Variants in DAB1 observed in about 807,000 individuals in gnomAD.
The protein encoded by DAB1 is disabled homolog 1.
A neutral mutation model predicts 64.6 loss-of-function variants in DAB1; 15 were observed. That is an observed-to-expected ratio of 0.23 (90% confidence interval 0.16 to 0.36). DAB1 has a LOEUF of 0.36. Among genes scored for constraint, DAB1 ranks in the 10% least tolerant of loss-of-function variants. The probability of loss-of-function intolerance (pLI) is 1.00; values close to 1 mark genes in which losing one functional copy is unlikely to be tolerated. For missense variants in DAB1, 596 were observed against 706.7 expected (o/e 0.84, Z 1.78); for synonymous variants, 235 against 251.9 (o/e 0.93, Z 0.64).
chr1:57,494,623 T>C (rs192885850), intron 7 of DAB1, among the ~76,000 whole-genome samples: 1 of 152,334 alleles, frequency 6.6e-6, no homozygotes, highest in East Asian at 1.9e-4. Flanking sequence ...CTTGTATAAG[T>C]AGGCAAACAT....
intron 4 of DAB1, among the ~76,000 whole-genome samples, chr1:57,095,535 C>G (rs1397621629): frequency 6.6e-6 from 1 of 152,202 alleles, no homozygotes; most frequent in Non-Finnish European, 1.5e-5. Flanking sequence ...AGTCAACTTT[C>G]CAAGTCTCAG....
chr1:57,053,199 G>A (rs908080875), intron 9 of DAB1, among the ~76,000 whole-genome samples: 3 of 152,108 alleles, frequency 2.0e-5, no homozygotes, highest in Non-Finnish European at 2.9e-5. Context: ...ATCTTGGCGG[G>A]GGGTCTGATC....
Position 57,469,604 on chromosome 1 carries a change from A to G in DAB1, n.626-178438T>C, listed in dbSNP as rs550776347. 2.6e-5 allele frequency among the ~76,000 whole-genome samples: 4 copies of G among 152,192 alleles called. No homozygotes were observed. In the East Asian group the frequency reaches 7.7e-4, roughly 29 times the overall value. ...CCCATTGCTCACCCTGGGGTACTTC[A>G]CCAACTTTTATTGGTTTCCCTTAAC... On this transcript the variant is annotated intron_variant and non_coding_transcript_variant, in intron 7 of 20. Coordinates refer to the DAB1 transcript ENST00000485760.
intron 2 of DAB1, among the ~76,000 whole-genome samples, chr1:57,273,592 T>TCCC (rs1671206411): frequency 1.8e-5 from 2 of 113,150 alleles, no homozygotes; most frequent in African/African-American, 7.0e-5. Flanking sequence ...CCTTCCTTCC[T>TCCC]TCCTTCCTTC....
At chr1:58,398,247 C>A (rs980692134) in intron 3 of DAB1, among the ~76,000 whole-genome samples, 1 of 152,224 alleles carries the variant, frequency 6.6e-6, no homozygotes, top group African/African-American at 2.4e-5. Context: ...CCTGCCACTC[C>A]TCATTGCTCC....
chr1:58,279,940 G>A (rs1661519802), intron 4 of DAB1, among the ~76,000 whole-genome samples: 1 of 152,074 alleles, frequency 6.6e-6, no homozygotes. Flanking sequence ...GTTTGGAATT[G>A]GACTCTGTCA....
At chr1:57,220,837 G>A (rs1666809846) in intron 2 of DAB1, among the ~76,000 whole-genome samples, 3 of 152,332 alleles carry the variant, frequency 2.0e-5, no homozygotes, top group Middle Eastern at 6.8e-3. Flanking sequence ...AAGACAGTGT[G>A]GCGATTCCTC....
At chr1:57,222,661 C>G (rs1012646107) in intron 2 of DAB1, among the ~76,000 whole-genome samples, 13 of 152,264 alleles carry the variant, frequency 8.5e-5, no homozygotes, top group African/African-American at 2.6e-4. Context: ...GGACCTGATT[C>G]ACTACAGTAC....
intron 7 of DAB1, among the ~76,000 whole-genome samples, chr1:57,528,639 C>T (rs1644622233): frequency 7.2e-6 from 1 of 139,470 alleles, no homozygotes; most frequent in Non-Finnish European, 1.6e-5. Flanking sequence ...AGCAGCAGGA[C>T]ACACACACAC....
chr1:57,511,811 G>A (rs1360431876), intron 7 of DAB1, among the ~76,000 whole-genome samples: 1 of 151,706 alleles, frequency 6.6e-6, no homozygotes. Flanking sequence ...TCCTCTCTTT[G>A]ACCATCTGGC....
chr1:58,040,909 A>G (rs1647125216), intron 5 of DAB1, among the ~76,000 whole-genome samples: 1 of 152,130 alleles, frequency 6.6e-6, no homozygotes, highest in African/African-American at 2.4e-5. Flanking sequence ...CCAACCTCCT[A>G]AAGGTTGCAC....
Position 57,377,788 on chromosome 1 carries a change from T to C in DAB1, c.-137+46142A>G, listed in dbSNP as rs144599433. ...GTCTGCAAAGGCGTGGGCAGAGTTA[T>C]GGGGAAGCTGCAGGGGATGGTGTAG... On this transcript the variant is annotated intron_variant, in intron 1 of 14. Transcript: ENST00000371236. Among the ~76,000 whole-genome samples the C allele has an allele frequency of 7.5e-3, 1,149 of 152,254 alleles. 5 individuals are homozygous for C. The highest frequency in any genetic ancestry group is 0.012 in the Admixed American group (176 of 15,282).
chr1:58,387,000 T>C lies in DAB1; in HGVS notation n.258-43597A>G, dbSNP rs1217107449. ...GCTTGAATCCGGGAGGCAGAAGTTG[T>C]GGTGAGCCAAGATCATGCCATTGCA... On this transcript the variant is annotated intron_variant and non_coding_transcript_variant, in intron 3 of 20. Coordinates refer to the DAB1 transcript ENST00000485760. Among the ~76,000 whole-genome samples the C allele has an allele frequency of 7.2e-5, 11 of 152,218 alleles. No homozygotes were observed. The East Asian group carries it at 2.1e-3, about 29-fold the overall frequency.
At chr1:58,257,134 TC>T (rs1660950552) in intron 4 of DAB1, among the ~76,000 whole-genome samples, 1 of 152,214 alleles carries the variant, frequency 6.6e-6, no homozygotes, top group Non-Finnish European at 1.5e-5. Flanking sequence ...AGTATAATTA[TC>T]CAGAGCCTAC....
chr1:58,333,299 G>A (rs1415317152), intron 4 of DAB1, among the ~76,000 whole-genome samples: 1 of 152,074 alleles, frequency 6.6e-6, no homozygotes, highest in Non-Finnish European at 1.5e-5. Context: ...AGAAGATGGT[G>A]GCTCCTGTAG....
chr1:57,796,397 G>C (rs1175277066), intron 6 of DAB1, among the ~76,000 whole-genome samples: 4 of 152,004 alleles, frequency 2.6e-5, no homozygotes, highest in Non-Finnish European at 5.9e-5. Flanking sequence ...CATGGTGGCA[G>C]GCGCCTGTAG....
intron 5 of DAB1, among the ~76,000 whole-genome samples, chr1:57,947,412 G>A (rs11207131): frequency 0.4 from 61,445 of 151,918 alleles, 13,569 homozygotes; most frequent in Admixed American, 0.51. Flanking sequence ...CAACCTTAGC[G>A]CTATTGACAT....
chr1:57,696,225 G>A (rs1646843533), intron 6 of DAB1, among the ~76,000 whole-genome samples: 1 of 152,054 alleles, frequency 6.6e-6, no homozygotes, highest in African/African-American at 2.4e-5. Flanking sequence ...CCCATATCTA[G>A]CCCATAATGA....
At chr1:56,998,684 T>G (rs558382942) in intron 14 of DAB1, among the ~76,000 whole-genome samples, 13 of 152,338 alleles carry the variant, frequency 8.5e-5, no homozygotes, top group South Asian at 4.1e-4. Context: ...CTGGGTGCAC[T>G]GTTGAGCCAG....
Sources: gnomAD v4.1 joint callset for allele counts (sites outside exome capture counted in the v4.1 genomes callset) on GRCh38, gnomAD v4.1.1 for gene constraint, MANE v1.5 for transcripts, NCBI Gene and HGNC (gene_info 2026-07-23, HGNC 2026-07-21) for gene names.